Variants in BMP10 observed in about 807,000 individuals in gnomAD.
The protein encoded by BMP10 is bone morphogenetic protein 10.
A neutral mutation model predicts 29.9 loss-of-function variants in BMP10; 9 were observed. The observed-to-expected ratio is 0.30, with a 90% CI of 0.18 to 0.53. The LOEUF is 0.53. Among genes scored for constraint, BMP10 ranks in the 20% least tolerant of loss-of-function variants. The pLI is 0.96. For synonymous variants in BMP10, 202 were observed against 200.2 expected, an observed-to-expected ratio of 1.01 and a Z score of -0.07; for missense variants, 474 against 524.3, an observed-to-expected ratio of 0.90 and a Z score of 0.94.
intron 1 of BMP10, among the ~76,000 whole-genome samples, chr2:68,869,043 G>A (rs1402722473): frequency 6.6e-6 from 1 of 152,224 alleles, no homozygotes; most frequent in African/African-American, 2.4e-5. Flanking sequence ...AGATGGAAGA[G>A]TTACATTTCA....
At position 68,863,372 on chromosome 2, in the gene BMP10, G is replaced by C. The variant is rs771052632; in HGVS notation, c.*2259C>G. On this transcript the variant is annotated 3_prime_UTR_variant, in exon 2 of 2. Transcript: ENST00000295379. ...ATTTGCTTAATTTTTATCTAACCAGGACTATCCTGGTCAGCTGAGGTTTTA... is the reference window on the plus strand; with the variant it reads ...ATTTGCTTAATTTTTATCTAACCAGCACTATCCTGGTCAGCTGAGGTTTTA... Among the ~76,000 whole-genome samples the C allele has an allele frequency of 3.3e-5, 5 of 152,276 alleles. No homozygotes were observed. The highest frequency in any genetic ancestry group is 5.9e-5 in the Non-Finnish European group (4 of 68,016).
rs1033032932 is a variant in BMP10, at chr2:68,866,407, T to C, written c.499A>G (p.Ile167Val). The C allele has an allele frequency of 9.3e-6, 15 of 1,613,904 alleles. No homozygotes were observed. The highest frequency in any genetic ancestry group is 1.2e-5 in the Non-Finnish European group (14 of 1,179,942). Reference protein sequence around the residue: ...IYDGVDRKITIFEVLESKGDN... With the variant: ...IYDGVDRKITVFEVLESKGDN... ...CCTTTGCTCTCCAGCACTTCAAAAA[T>C]GGTAATTTTCCGGTCTACTCCATCG... is the stretch of plus-strand genomic sequence containing the variant. Residue 167 changes from isoleucine (I) to valine (V), a missense_variant, in exon 2 of 2, where the codon ATT becomes GTT. Coordinates refer to ENST00000295379, the MANE Select transcript of BMP10 (RefSeq NM_014482.3).
At chr2:68,869,706 G>C (rs986160814) in intron 1 of BMP10, among the ~76,000 whole-genome samples, 1 of 152,220 alleles carries the variant, frequency 6.6e-6, no homozygotes, top group East Asian at 1.9e-4. Flanking sequence ...ACCTCCAAAA[G>C]CAATCTGTAA....
Position 68,860,959 on chromosome 2 carries a change from C to T in BMP10, c.*4672G>A, listed in dbSNP as rs545648916. The stretch of plus-strand genomic sequence containing the variant: ...AATATAGCAATTAGTTTTATTCCAT[C>T]GGGATATGTTATCAAGTAGAAACAT... On this transcript the variant is annotated 3_prime_UTR_variant, in exon 2 of 2. Transcript: ENST00000295379. Among the ~76,000 whole-genome samples, 178 of 152,228 alleles carry T rather than the reference C, an allele frequency of 1.2e-3. No homozygotes were observed. Among genetic ancestry groups the T allele is most frequent in the Admixed American group, 1.9e-3 (29 of 15,286 alleles).
At chr2:68,870,251 A>ACAAC (rs1683041937) in intron 1 of BMP10, among the ~76,000 whole-genome samples, 1 of 152,208 alleles carries the variant, frequency 6.6e-6, no homozygotes, top group South Asian at 2.1e-4. Context: ...TATTAACCAA[A>ACAAC]AAACAAACAA....
Position 68,865,512 on chromosome 2 carries a change from G to A in BMP10, c.*119C>T, listed in dbSNP as rs1682934243. Reference sequence around the variant, plus strand: ...TGCATTTCCTACAACAAACTGACCTGTCCATTTCCTGAAGGCAGCAAGCCT... The same window carrying A: ...TGCATTTCCTACAACAAACTGACCTATCCATTTCCTGAAGGCAGCAAGCCT... On this transcript the variant is annotated 3_prime_UTR_variant, in exon 2 of 2. Transcript: ENST00000295379. The surrounding 1 kb of genome is among the most constrained non-coding windows in gnomAD (Gnocchi z 4.7). The A allele has an allele frequency of 9.7e-7, 1 of 1,027,480 alleles. No individual in the cohort carries two copies. Among genetic ancestry groups the A allele is most frequent in the Non-Finnish European group, 1.4e-6 (1 of 702,290 alleles). The allele number at this position is 1,027,480 out of a possible 1,614,324, so 63.6% of individuals were successfully genotyped here.
In BMP10 at chr2:68,862,702, G is replaced by A. The variant is rs1397108837; in HGVS notation, c.*2929C>T. 2.0e-5 allele frequency among the ~76,000 whole-genome samples: 3 copies of A among 152,128 alleles called. No homozygotes were observed. The highest frequency in any genetic ancestry group is 7.2e-5 in the African/African-American group (3 of 41,404). On this transcript the variant is annotated 3_prime_UTR_variant, in exon 2 of 2. Coordinates refer to ENST00000295379, the MANE Select transcript of BMP10 (RefSeq NM_014482.3). ...GGATCTGACAATATTCTGGCTTCCT[G>A]TCAATGCAGGAGTTGAAAGTGACAC...
chr2:68,863,140 G>C lies in BMP10; in HGVS notation c.*2491C>G, dbSNP rs1682891408. On this transcript the variant is annotated 3_prime_UTR_variant, in exon 2 of 2. Transcript: ENST00000295379. ...GTGGGATACTAAATGTCAGCGGTGT[G>C]CCAGCACCAGTGCACAGCTCCCAAG... is the stretch of plus-strand genomic sequence containing the variant. Among the ~76,000 whole-genome samples, 1 of 152,198 alleles carries C rather than the reference G, an allele frequency of 6.6e-6. No individual in the cohort carries two copies. Among genetic ancestry groups the C allele is most frequent in the Non-Finnish European group, 1.5e-5 (1 of 68,026 alleles).
rs1160208495 is a variant in BMP10, at chr2:68,865,510, CT to C, written c.*120del. The C allele has an allele frequency of 3.0e-6, 3 of 993,996 alleles. No individual in the cohort carries two copies. The highest frequency in any genetic ancestry group is 3.0e-6 in the Non-Finnish European group (2 of 674,786). The allele number at this position is 993,996 out of a possible 1,614,324, so 61.6% of individuals were successfully genotyped here. The stretch of plus-strand genomic sequence containing the variant: ...TATGCATTTCCTACAACAAACTGAC[CT>C]GTCCATTTCCTGAAGGCAGCAAGCC... On this transcript the variant is annotated 3_prime_UTR_variant, in exon 2 of 2. Transcript: ENST00000295379. This position sits in a 1 kb window ranked among gnomAD's most constrained non-coding sequence, Gnocchi z 4.7.
rs1323619351 is a variant in BMP10, at chr2:68,863,081, T to G, written c.*2550A>C. On this transcript the variant is annotated 3_prime_UTR_variant, in exon 2 of 2. Coordinates refer to ENST00000295379, the MANE Select transcript of BMP10 (RefSeq NM_014482.3). ...CTGGCACATCCTTAACATTCTAGTA[T>G]CAGGGTGCTAATGTCAGCGGTGTGC... 6.6e-6 allele frequency among the ~76,000 whole-genome samples: 1 copy of G among 152,180 alleles called. No individual in the cohort carries two copies. Among genetic ancestry groups the G allele is most frequent in the Non-Finnish European group, 1.5e-5 (1 of 68,032 alleles).
At position 68,865,802 on chromosome 2, in the gene BMP10, C is replaced by T. The variant is rs544533217; in HGVS notation, c.1104G>A (p.Lys368=). 2.0e-4 allele frequency: 318 copies of T among 1,613,994 alleles called. No individual in the cohort carries two copies. The highest frequency in any genetic ancestry group is 2.6e-4 in the Non-Finnish European group (311 of 1,179,996). Residue 368 remains lysine (K), a synonymous_variant, in exon 2 of 2, where the codon AAG becomes AAA. Coordinates refer to ENST00000295379, the MANE Select transcript of BMP10 (RefSeq NM_014482.3). This position sits in a 1 kb window ranked among gnomAD's most constrained non-coding sequence, Gnocchi z 4.7. ...GGACCAAGGCCTGGATAATTGCATG[C>T]TTTGTGGGTGTGAGATGCTCTGCCA... ...YPLAEHLTPT[K]HAIIQALVHL...
rs975319491 is a variant in BMP10 at position 68,865,038 on chromosome 2, G to C, written c.*593C>G. The stretch of plus-strand genomic sequence containing the variant: ...CTCTAAGACCTCTTAAGTCCATTTG[G>C]TTTCTGTATCAATTAACCCTTCCCT... On this transcript the variant is annotated 3_prime_UTR_variant, in exon 2 of 2. Transcript: ENST00000295379. This position sits in a 1 kb window ranked among gnomAD's most constrained non-coding sequence, Gnocchi z 4.7. 6.6e-6 allele frequency among the ~76,000 whole-genome samples: 1 copy of C among 152,084 alleles called. No individual in the cohort carries two copies. The highest frequency in any genetic ancestry group is 1.5e-5 in the Non-Finnish European group (1 of 68,006).
rs772741994 is a variant in BMP10 at position 68,866,039 on chromosome 2, G to T, written c.867C>A (p.Ser289Arg). The change falls in exon 2 of 2, where the codon AGC (serine) becomes AGA (arginine). Residue 289 changes from serine (S) to arginine (R), a missense_variant. Around this residue, in one of 2 missense-constraint regions of BMP10, gnomAD observed 408 missense variants for 415.3 expected, o/e 0.98. Coordinates refer to ENST00000295379, the MANE Select transcript of BMP10 (RefSeq NM_014482.3). ...CCTCTTCCCCAGGTCCACTGGAAAA[G>T]CTATCCAGGCCCAAGTTGTCCAGCT... ...LPELDNLGLD[S>R]FSSGPGEEAL... 4 of 1,614,072 alleles carry T rather than the reference G, an allele frequency of 2.5e-6. No individual in the cohort carries two copies. In the Admixed American group the frequency reaches 5.0e-5, roughly 20 times the overall value.
At chr2:68,867,698 T>C (rs891454929) in intron 1 of BMP10, among the ~76,000 whole-genome samples, 1 of 152,114 alleles carries the variant, frequency 6.6e-6, no homozygotes, top group African/African-American at 2.4e-5. Context: ...CCGAAGATGC[T>C]AAGGACCACC....
In BMP10 at chr2:68,866,121, C is replaced by G; in HGVS notation, c.785G>C (p.Ser262Thr). ...LLIVFSDDQSSDKERKEELNE... is the reference protein window; with the variant it reads ...LLIVFSDDQSTDKERKEELNE... ...CAGTTCCTCCTTCCTCTCCTTGTCA[C>G]TGCTTTGGTCATCAGAAAACACGAT... The change falls in exon 2 of 2, where the codon AGT (serine) becomes ACT (threonine). Residue 262 changes from serine (S) to threonine (T), a missense_variant. Ser to Thr is a moderately conservative substitution (Grantham distance 58, BLOSUM62 1). This residue lies in a region of BMP10 where 408 missense variants were observed against 415.3 expected (regional missense o/e 0.98). Coordinates refer to ENST00000295379, the MANE Select transcript of BMP10 (RefSeq NM_014482.3). The G allele has an allele frequency of 6.2e-7, 1 of 1,614,096 alleles. No homozygotes were observed. The highest frequency in any genetic ancestry group is 2.2e-5 in the East Asian group (1 of 44,888).
rs767015446 is a variant in BMP10, at chr2:68,865,654, C to T, written c.1252G>A (p.Val418Ile). The T allele has an allele frequency of 2.0e-5, 32 of 1,613,790 alleles. No individual in the cohort carries two copies. Among genetic ancestry groups the T allele is most frequent in the African/African-American group, 4.0e-5 (3 of 74,874 alleles). The change falls in exon 2 of 2, where the codon GTC (valine) becomes ATC (isoleucine). Residue 418 changes from valine (V) to isoleucine (I), a missense_variant. Physicochemically the swap from Val to Ile is conservative, Grantham distance 29. Around this residue, in one of 2 missense-constraint regions of BMP10, gnomAD observed 66 missense variants for 109.0 expected, o/e 0.61. Transcript: ENST00000295379. The surrounding 1 kb of genome is among the most constrained non-coding windows in gnomAD (Gnocchi z 4.7). ...TYKFKYEGMAVSECGCR is the reference protein window; with the variant it reads ...TYKFKYEGMAISECGCR ...TTCTATCTACAGCCACATTCGGAGA[C>T]GGCCATGCCTTCGTATTTAAACTTG...
rs1445028530 is a variant in BMP10 at position 68,865,785 on chromosome 2, G to A, written c.1121C>T (p.Ala374Val). Reference sequence around the variant, plus strand: ...CTGGGAATTCTTGAGGTGGACCAAGGCCTGGATAATTGCATGCTTTGTGGG... The same window carrying A: ...CTGGGAATTCTTGAGGTGGACCAAGACCTGGATAATTGCATGCTTTGTGGG... Reference protein sequence around the residue: ...LTPTKHAIIQALVHLKNSQKA... With the variant: ...LTPTKHAIIQVLVHLKNSQKA... Residue 374 changes from alanine (A) to valine (V), a missense_variant, in exon 2 of 2, where the codon GCC becomes GTC. Around this residue, in one of 2 missense-constraint regions of BMP10, gnomAD observed 66 missense variants for 109.0 expected, o/e 0.61. Transcript: ENST00000295379. This position sits in a 1 kb window ranked among gnomAD's most constrained non-coding sequence, Gnocchi z 4.7. 1.2e-6 allele frequency: 2 copies of A among 1,614,082 alleles called. No individual in the cohort carries two copies. Among genetic ancestry groups the A allele is most frequent in the Non-Finnish European group, 8.5e-7 (1 of 1,179,990 alleles).
At chr2:68,866,660 G>T in intron 1 of BMP10, 89 bp from the exon 2 acceptor site, 1 of 960,348 alleles carries the variant, frequency 1.0e-6, no homozygotes, top group Non-Finnish European at 1.5e-6. Context: ...GCCTTCCCAT[G>T]CACAAAGCTT....
chr2:68,865,175 A>G lies in BMP10; in HGVS notation c.*456T>C, dbSNP rs1184087872. ...AGGAAGGGTAATACTTCCTAGGATG[A>G]TTAAAACCCTGATGTCAATTATCTT... On this transcript the variant is annotated 3_prime_UTR_variant, in exon 2 of 2. Transcript: ENST00000295379. This position sits in a 1 kb window ranked among gnomAD's most constrained non-coding sequence, Gnocchi z 4.7. Among the ~76,000 whole-genome samples, 4 of 152,230 alleles carry G rather than the reference A, an allele frequency of 2.6e-5. No homozygotes were observed. Among genetic ancestry groups the G allele is most frequent in the Admixed American group, 6.5e-5 (1 of 15,278 alleles).
Sources: gnomAD v4.1 joint callset for allele counts (sites outside exome capture counted in the v4.1 genomes callset) on GRCh38, gnomAD v4.1.1 for gene constraint, gnomAD v4.1.1 regional missense constraint, Gnocchi (gnomAD v3.1) non-coding constraint, MANE v1.5 for transcripts, NCBI Gene and HGNC (gene_info 2026-07-23, HGNC 2026-07-21) for gene names.